The following SLC16A7 variants were observed in gnomAD, a reference collection of about 807,000 sequenced individuals.
SLC16A7 encodes solute carrier family 16 member 7, also known as monocarboxylate transporter 2.
In SLC16A7, 33 loss-of-function variants were observed where a neutral mutation model predicts 34.9. The ratio of observed to expected loss-of-function variants is 0.94; its 90% CI spans 0.72 to 1.26. The LOEUF is 1.26. SLC16A7 is among the 50% of genes most tolerant of loss of function. The probability of loss-of-function intolerance (pLI) is 0.00; values close to 1 mark genes in which losing one functional copy is unlikely to be tolerated. For synonymous variants in SLC16A7, 201 were observed against 206.6 expected (o/e 0.97, Z 0.23); for missense variants, 573 against 578.1 (o/e 0.99, Z 0.09).
chr12:59,704,493 C>T (rs1467615740), intron 2 of SLC16A7, among the ~76,000 whole-genome samples: 3 of 152,078 alleles, frequency 2.0e-5, no homozygotes, highest in Non-Finnish European at 4.4e-5. Context: ...AATGGTACTT[C>T]AGTTCAGATC....
chr12:59,627,861 C>A (rs965927880), intron 1 of SLC16A7, among the ~76,000 whole-genome samples: 3 of 150,742 alleles, frequency 2.0e-5, no homozygotes, highest in African/African-American at 7.3e-5. Context: ...CCTGTGTGAC[C>A]ATTGTCTATA....
chr12:59,608,231 T>C (rs1879034018), intron 1 of SLC16A7, among the ~76,000 whole-genome samples: 1 of 152,228 alleles, frequency 6.6e-6, no homozygotes, highest in South Asian at 2.1e-4. Context: ...CTCTGTTTCC[T>C]GTAGTATCAG....
At chr12:59,717,038 A>G (rs935187535) in intron 3 of SLC16A7, among the ~76,000 whole-genome samples, 5 of 152,196 alleles carry the variant, frequency 3.3e-5, no homozygotes, top group African/African-American at 7.2e-5. Context: ...CAGCTGTAAA[A>G]TCTACGTAGC....
At chr12:59,643,873 C>A (rs745425274) in intron 1 of SLC16A7, among the ~76,000 whole-genome samples, 1 of 152,082 alleles carries the variant, frequency 6.6e-6, no homozygotes, top group African/African-American at 2.4e-5. Context: ...AATGTCACAT[C>A]GGTATTTCAG....
intron 3 of SLC16A7, among the ~76,000 whole-genome samples, chr12:59,719,415 A>G (rs1208808012): frequency 6.6e-6 from 1 of 152,118 alleles, no homozygotes; most frequent in East Asian, 1.9e-4. Flanking sequence ...AGACAGAAAA[A>G]TGGGGCCCAA....
At chr12:59,655,662 A>C (rs564063074) in intron 2 of SLC16A7, among the ~76,000 whole-genome samples, 1 of 152,034 alleles carries the variant, frequency 6.6e-6, no homozygotes, top group African/African-American at 2.4e-5. Context: ...TATCATTGGC[A>C]CTTTTTAAAA....
rs1306940809 is a variant in SLC16A7 at position 59,782,462 on chromosome 12, A to G, written c.*2783A>G. On this transcript the variant is annotated 3_prime_UTR_variant, in exon 6 of 6. Coordinates refer to ENST00000547379, the MANE Select transcript of SLC16A7 (RefSeq NM_001270623.2). ...TGCCTCTGCAACAATTAGTATGAAC[A>G]TATTTCTTTCTCTAGGGAATAATAG... 1 of 152,192 alleles carries G rather than the reference A, an allele frequency of 6.6e-6. No homozygotes were observed. Among genetic ancestry groups the G allele is most frequent in the Admixed American group, 6.5e-5 (1 of 15,280 alleles). 9.4% of individuals were successfully genotyped at this position (152,192 alleles called of 1,614,324 possible).
At chr12:59,611,612 A>C (rs1879196091) in intron 1 of SLC16A7, among the ~76,000 whole-genome samples, 1 of 152,200 alleles carries the variant, frequency 6.6e-6, no homozygotes, top group South Asian at 2.1e-4. Flanking sequence ...TTTCAACCTT[A>C]ACTCAAAAGT....
At chr12:59,645,716 G>A (rs1053893773) in intron 1 of SLC16A7, among the ~76,000 whole-genome samples, 3 of 152,120 alleles carry the variant, frequency 2.0e-5, no homozygotes, top group Non-Finnish European at 4.4e-5. Flanking sequence ...AAGCAACTTT[G>A]GAACTGGGTA....
intron 3 of SLC16A7, among the ~76,000 whole-genome samples, chr12:59,750,808 C>G (rs933897144): frequency 6.6e-6 from 1 of 152,152 alleles, no homozygotes; most frequent in Non-Finnish European, 1.5e-5. Flanking sequence ...TTGCAACCAA[C>G]CCAAATGCCC....
At chr12:59,751,554 T>G (rs1271101033) in intron 3 of SLC16A7, among the ~76,000 whole-genome samples, 1 of 151,318 alleles carries the variant, frequency 6.6e-6, no homozygotes, top group Non-Finnish European at 1.5e-5. Context: ...CTGGGGGAGG[T>G]GCGCCCGCCA....
chr12:59,623,865 A>G (rs1222388514), intron 1 of SLC16A7, among the ~76,000 whole-genome samples: 1 of 151,174 alleles, frequency 6.6e-6, no homozygotes, highest in Non-Finnish European at 1.5e-5. Context: ...TTTTGTTTTT[A>G]TTTGTGATTT....
chr12:59,673,290 A>G (rs1326458402), intron 2 of SLC16A7, among the ~76,000 whole-genome samples: 2 of 152,186 alleles, frequency 1.3e-5, no homozygotes, highest in Non-Finnish European at 2.9e-5. Context: ...CATAATAAAT[A>G]TTGAGCTGTT....
At chr12:59,758,905 T>A (rs1360387596) in intron 3 of SLC16A7, among the ~76,000 whole-genome samples, 2 of 152,072 alleles carry the variant, frequency 1.3e-5, no homozygotes, top group Non-Finnish European at 2.9e-5. Flanking sequence ...TTGTTTCATC[T>A]CCAAGTCTTG....
chr12:59,715,599 T>C (rs1874805807), intron 3 of SLC16A7, among the ~76,000 whole-genome samples: 1 of 152,170 alleles, frequency 6.6e-6, no homozygotes, highest in Admixed American at 6.5e-5. Flanking sequence ...CATCATCTTG[T>C]TTGACCTCCG....
In SLC16A7 at chr12:59,670,848, C is replaced by T. The variant is rs142651839; in HGVS notation, c.-31+15598C>T. Reference sequence around the variant, plus strand: ...TGGTGGTCCAGACAGTAACTCTGCCCCCTCCACCCTGGTTGGTAGCCCTGA... The same window carrying T: ...TGGTGGTCCAGACAGTAACTCTGCCTCCTCCACCCTGGTTGGTAGCCCTGA... On this transcript the variant is annotated intron_variant, in intron 2 of 5. Coordinates refer to ENST00000547379, the MANE Select transcript of SLC16A7 (RefSeq NM_001270623.2). 5.2e-4 allele frequency among the ~76,000 whole-genome samples: 79 copies of T among 152,250 alleles called. No individual in the cohort carries two copies. In the South Asian group the frequency reaches 0.011, roughly 20 times the overall value.
At chr12:59,735,586 G>C (rs1011850148) in intron 3 of SLC16A7, among the ~76,000 whole-genome samples, 1 of 152,128 alleles carries the variant, frequency 6.6e-6, no homozygotes, top group Admixed American at 6.5e-5. Flanking sequence ...AATAAACCCA[G>C]TCCTAAAGTG....
intron 3 of SLC16A7, among the ~76,000 whole-genome samples, chr12:59,758,941 G>C (rs1880706958): frequency 6.6e-6 from 1 of 151,882 alleles, no homozygotes; most frequent in African/African-American, 2.4e-5. Context: ...GCTGTCAGCT[G>C]TATTACATAA....
At chr12:59,614,991 A>G (rs1003559294) in intron 1 of SLC16A7, among the ~76,000 whole-genome samples, 4 of 151,018 alleles carry the variant, frequency 2.6e-5, no homozygotes, top group Non-Finnish European at 3.0e-5. Flanking sequence ...CGACAGAGCA[A>G]GGATCCATCT....
Sources: allele counts gnomAD v4.1 joint callset (sites outside exome capture counted in the v4.1 genomes callset), GRCh38; gene constraint gnomAD v4.1.1; transcripts MANE v1.5; gene names NCBI Gene and HGNC (gene_info 2026-07-23, HGNC 2026-07-21).